Variants in ANKRD31 observed in about 807,000 individuals in gnomAD.
ANKRD31 encodes the protein ankyrin repeat domain-containing protein 31.
Under a neutral mutation model 186.0 loss-of-function variants are expected in ANKRD31, and 147 were observed. The observed-to-expected ratio is 0.79, with a 90% CI of 0.69 to 0.91. The LOEUF (loss-of-function observed/expected upper bound fraction) is 0.91. Ranked by LOEUF, ANKRD31 falls within the 40% of genes least tolerant of loss-of-function variation. The pLI is 0.00. For missense variants in ANKRD31, 1,986 were observed against 2,148.8 expected (o/e 0.92, Z 1.50); for synonymous variants, 673 against 736.4 (o/e 0.91, Z 1.39).
intron 1 of ANKRD31, among the ~76,000 whole-genome samples, chr5:75,234,389 C>A (rs1273209688): frequency 6.6e-6 from 1 of 152,178 alleles, no homozygotes; most frequent in African/African-American, 2.4e-5. Context: ...TAGACTAGCC[C>A]TGATTACTCA....
rs569409330 is a variant in ANKRD31, at chr5:75,136,132, G to A, written c.3876+1724C>T. ...GGACTTCATGACTAAATCACCAAAA[G>A]CAATGGCAACAAAAGCCAAAGTTGA... On this transcript the variant is annotated intron_variant, in intron 17 of 25. Transcript: ENST00000506364. Among the ~76,000 whole-genome samples the A allele has an allele frequency of 2.0e-5, 3 of 152,248 alleles. No homozygotes were observed. In the South Asian group the frequency reaches 6.2e-4, roughly 32 times the overall value.
At chr5:75,100,386 G>T (rs1746742616) in intron 22 of ANKRD31, among the ~76,000 whole-genome samples, 1 of 152,178 alleles carries the variant, frequency 6.6e-6, no homozygotes, top group Non-Finnish European at 1.5e-5. Flanking sequence ...GTGCTGAGAA[G>T]AATGTATATT....
At chr5:75,151,201 G>T (rs903746982) in intron 12 of ANKRD31, among the ~76,000 whole-genome samples, 3 of 151,926 alleles carry the variant, frequency 2.0e-5, no homozygotes, top group African/African-American at 7.2e-5. Context: ...CTACTCTCAC[G>T]ACTGGTTGTT....
intron 13 of ANKRD31, among the ~76,000 whole-genome samples, chr5:75,148,057 G>A (rs1309076401): frequency 6.6e-6 from 1 of 151,814 alleles, no homozygotes; most frequent in East Asian, 1.9e-4. Flanking sequence ...CTAGAATTAG[G>A]GGTTTCTTCT....
In ANKRD31 at chr5:75,104,764, T is replaced by C; in HGVS notation, c.4795A>G (p.Lys1599Glu). ...ACAGGTTGGGATGGTAATTTATTCT[T>C]CTCTGTGCCATCTGAATGTCTGGAT... is the stretch of plus-strand genomic sequence containing the variant. Reference protein sequence around the residue: ...PKSRHSDGTEKNKLPSQPVAF... With the variant: ...PKSRHSDGTEENKLPSQPVAF... Residue 1599 changes from lysine to glutamate, a missense_variant, in exon 22 of 26, where the codon AAG (lysine) becomes GAG (glutamate). Physicochemically the swap from Lys to Glu is moderately conservative, Grantham distance 56. Coordinates refer to ENST00000506364, the MANE Select transcript of ANKRD31 (RefSeq NM_001372053.1). 1 of 1,537,248 alleles carries C rather than the reference T, an allele frequency of 6.5e-7. No individual in the cohort carries two copies.
At chr5:75,211,835 T>C (rs967523398) in intron 3 of ANKRD31, among the ~76,000 whole-genome samples, 1 of 152,144 alleles carries the variant, frequency 6.6e-6, no homozygotes, top group Non-Finnish European at 1.5e-5. Context: ...TTTAATTCAG[T>C]TGTTTTTTTT....
At chr5:75,187,110 T>TTTTGTGTGTGTGTGTGTG in intron 10 of ANKRD31, among the ~76,000 whole-genome samples, 1 of 116,186 alleles carries the variant, frequency 8.6e-6, no homozygotes, top group South Asian at 3.2e-4. Context: ...TGATTCTGTT[T>TTTTGTGTGTGTGTGTGTG]TGTGTGTGTG....
At chr5:75,101,450 T>C (rs1214379580) in intron 22 of ANKRD31, among the ~76,000 whole-genome samples, 2 of 152,190 alleles carry the variant, frequency 1.3e-5, no homozygotes, top group Non-Finnish European at 1.5e-5. Context: ...TCTCTGTATT[T>C]CTTAAATTTG....
chr5:75,086,521 G>C (rs1745494209), intron 23 of ANKRD31, among the ~76,000 whole-genome samples: 2 of 152,210 alleles, frequency 1.3e-5, no homozygotes, highest in African/African-American at 4.8e-5. Context: ...CAGAGGCATG[G>C]TAGGAAGAGC....
At chr5:75,070,879 G>T (rs527942462) in intron 25 of ANKRD31, among the ~76,000 whole-genome samples, 3 of 152,296 alleles carry the variant, frequency 2.0e-5, no homozygotes, top group Non-Finnish European at 4.4e-5. Context: ...GGTCACCTGA[G>T]GTCAGGAGTT....
At chr5:75,194,925 T>C (rs1755358716) in intron 7 of ANKRD31, among the ~76,000 whole-genome samples, 1 of 152,138 alleles carries the variant, frequency 6.6e-6, no homozygotes, top group African/African-American at 2.4e-5. Flanking sequence ...TGTAATTCTG[T>C]AAGGTTTAAA....
At chr5:75,126,881 T>C (rs1042026669) in intron 17 of ANKRD31, among the ~76,000 whole-genome samples, 1 of 152,176 alleles carries the variant, frequency 6.6e-6, no homozygotes, top group Non-Finnish European at 1.5e-5. Context: ...TTCCATTTGC[T>C]GAAAGAGTAT....
chr5:75,097,735 G>C (rs1249394400), intron 22 of ANKRD31, among the ~76,000 whole-genome samples: 2 of 152,138 alleles, frequency 1.3e-5, no homozygotes, highest in African/African-American at 4.8e-5. Context: ...CCTTGCCCAT[G>C]CCTATGTCCT....
At chr5:75,094,694 T>C (rs1580311339) in intron 22 of ANKRD31, among the ~76,000 whole-genome samples, 1 of 151,952 alleles carries the variant, frequency 6.6e-6, no homozygotes, top group East Asian at 1.9e-4. Context: ...TTAATAACAA[T>C]ATGAAATGTC....
At chr5:75,168,337 C>T (rs949652249) in intron 11 of ANKRD31, among the ~76,000 whole-genome samples, 1 of 152,114 alleles carries the variant, frequency 6.6e-6, no homozygotes, top group African/African-American at 2.4e-5. Flanking sequence ...AAATGAATAA[C>T]AAGATATCTT....
At chr5:75,133,244 G>C (rs1299085181) in intron 17 of ANKRD31, among the ~76,000 whole-genome samples, 16 of 152,106 alleles carry the variant, frequency 1.1e-4, no homozygotes, top group Non-Finnish European at 1.5e-5. Flanking sequence ...AGACCTATCA[G>C]TGTGCTCTAT....
At chr5:75,138,068 CT>C in intron 16 of ANKRD31, 70 bp from the exon 17 acceptor site, 1 of 1,309,552 alleles carries the variant, frequency 7.6e-7, no homozygotes, top group Non-Finnish European at 9.8e-7. Context: ...ATCTGTATTA[CT>C]AAGGTTTTGT....
chr5:75,219,633 GA>G (rs35042069), intron 3 of ANKRD31, among the ~76,000 whole-genome samples: 77,161 of 151,870 alleles, frequency 0.51, 22,648 homozygotes, highest in African/African-American at 0.82. Context: ...CACAGAACCA[GA>G]AAAAAACTAT....
At chr5:75,167,137 T>A (rs943223424) in intron 11 of ANKRD31, among the ~76,000 whole-genome samples, 1 of 152,106 alleles carries the variant, frequency 6.6e-6, no homozygotes, top group Admixed American at 6.5e-5. Context: ...ATTTGACTAT[T>A]ACGGATATTT....
Sources: gnomAD v4.1 joint callset for allele counts (sites outside exome capture counted in the v4.1 genomes callset) on GRCh38, gnomAD v4.1.1 for gene constraint, MANE v1.5 for transcripts, NCBI Gene and HGNC (gene_info 2026-07-23, HGNC 2026-07-21) for gene names.